CDH12: variants seen among roughly 807,000 people sequenced by gnomAD.
The protein encoded by CDH12 is cadherin-12.
A neutral mutation model predicts 74.1 loss-of-function variants in CDH12; 41 were observed. The observed-to-expected ratio is 0.55, with a 90% CI of 0.43 to 0.72. CDH12 has a LOEUF of 0.72. Ranked by LOEUF, CDH12 falls within the 30% of genes least tolerant of loss-of-function variation. CDH12 has a pLI of 0.00. For missense variants in CDH12, 945 were observed against 977.2 expected (o/e 0.97, Z 0.44); for synonymous variants, 399 against 355.0 (o/e 1.12, Z -1.39).
intron 3 of CDH12, among the ~76,000 whole-genome samples, chr5:22,323,780 C>A (rs1451093810): frequency 2.0e-5 from 3 of 151,938 alleles, no homozygotes; most frequent in Non-Finnish European, 4.4e-5. Flanking sequence ...GTTTGCTTTG[C>A]TTTAAGTTAT....
chr5:22,106,602 C>A (rs1055919651), intron 4 of CDH12, among the ~76,000 whole-genome samples: 1 of 152,154 alleles, frequency 6.6e-6, no homozygotes, highest in Non-Finnish European at 1.5e-5. Flanking sequence ...TTGTTTTTAT[C>A]ATGTGCATTT....
intron 10 of CDH12, among the ~76,000 whole-genome samples, chr5:21,788,958 T>C (rs1281222176): frequency 6.6e-6 from 1 of 152,026 alleles, no homozygotes; most frequent in African/African-American, 2.4e-5. Context: ...TTTTTGTGTA[T>C]TTCTTCTCTA....
At chr5:22,501,327 T>A (rs763220436) in intron 2 of CDH12, among the ~76,000 whole-genome samples, 1 of 152,168 alleles carries the variant, frequency 6.6e-6, no homozygotes, top group Non-Finnish European at 1.5e-5. Context: ...GGATAATTCA[T>A]GGAAGACTGG....
At chr5:22,281,679 C>A (rs943006367) in intron 3 of CDH12, among the ~76,000 whole-genome samples, 3 of 152,048 alleles carry the variant, frequency 2.0e-5, no homozygotes, top group Non-Finnish European at 2.9e-5. Flanking sequence ...ATGTGAAGGA[C>A]CTCTTCAAAG....
intron 1 of CDH12, among the ~76,000 whole-genome samples, chr5:22,849,244 T>A (rs1381037135): frequency 1.3e-5 from 2 of 152,126 alleles, no homozygotes; most frequent in African/African-American, 4.8e-5. Context: ...TAAATAACTT[T>A]TCCCAAATTG....
At chr5:21,833,318 T>TATAAC in intron 8 of CDH12, among the ~76,000 whole-genome samples, 1 of 41,606 alleles carries the variant, frequency 2.4e-5, no homozygotes, top group African/African-American at 3.3e-4. Flanking sequence ...TTATATGTTA[T>TATAAC]ATAATATATA....
intron 3 of CDH12, among the ~76,000 whole-genome samples, chr5:22,371,339 AG>A (rs1741278942): frequency 6.6e-6 from 1 of 152,168 alleles, no homozygotes; most frequent in South Asian, 2.1e-4. Flanking sequence ...TAAAAGCTAA[AG>A]CAAAGAAAAA....
intron 1 of CDH12, among the ~76,000 whole-genome samples, chr5:22,721,818 T>C (rs898942553): frequency 7.9e-5 from 12 of 152,178 alleles, no homozygotes; most frequent in African/African-American, 2.4e-4. Context: ...CTGTTGATTT[T>C]ATAAAGGGCT....
chr5:22,209,837 T>C (rs565453655), intron 4 of CDH12, among the ~76,000 whole-genome samples: 1 of 152,266 alleles, frequency 6.6e-6, no homozygotes, highest in East Asian at 1.9e-4. Context: ...GAGTATCATG[T>C]CAAGGGCTGG....
At chr5:22,310,446 G>A (rs1738336836) in intron 3 of CDH12, among the ~76,000 whole-genome samples, 2 of 141,540 alleles carry the variant, frequency 1.4e-5, no homozygotes, top group African/African-American at 5.2e-5. Context: ...CTGGGTGACA[G>A]AGTGAGACTC....
At chr5:21,985,587 C>T (rs574267156) in intron 5 of CDH12, among the ~76,000 whole-genome samples, 2 of 152,188 alleles carry the variant, frequency 1.3e-5, no homozygotes, top group African/African-American at 4.8e-5. Flanking sequence ...TACTTACACA[C>T]AGGGTTTACT....
intron 12 of CDH12, 144 bp from the exon 13 acceptor site, chr5:21,760,819 T>C (rs1744679339): frequency 4.6e-6 from 3 of 649,730 alleles, no homozygotes; most frequent in Non-Finnish European, 8.3e-6. Context: ...TATTTACACA[T>C]AATGTTTATA....
intron 1 of CDH12, among the ~76,000 whole-genome samples, chr5:22,698,436 A>G (rs984510909): frequency 2.0e-5 from 3 of 150,776 alleles, no homozygotes; most frequent in East Asian, 2.0e-4. Flanking sequence ...CCAGCTTTTT[A>G]CTAGGAAAAC....
intron 1 of CDH12, among the ~76,000 whole-genome samples, chr5:22,756,508 A>G (rs1213205583): frequency 1.3e-5 from 2 of 152,188 alleles, no homozygotes. Flanking sequence ...AAAAGAGAAT[A>G]TTTCAAAAGA....
At chr5:22,248,173 G>A (rs907661230) in intron 3 of CDH12, among the ~76,000 whole-genome samples, 1 of 152,100 alleles carries the variant, frequency 6.6e-6, no homozygotes, top group African/African-American at 2.4e-5. Flanking sequence ...GGTAGTGCAT[G>A]CCTGTAATCC....
At chr5:22,021,690 C>T (rs1385124687) in intron 5 of CDH12, among the ~76,000 whole-genome samples, 1 of 152,136 alleles carries the variant, frequency 6.6e-6, no homozygotes, top group Non-Finnish European at 1.5e-5. Context: ...AGATGATTTT[C>T]ATTCAATTGG....
In CDH12 at chr5:22,360,471, C is replaced by T. The variant is rs185356492; in HGVS notation, c.-333+44786G>A. Among the ~76,000 whole-genome samples the T allele has an allele frequency of 5.9e-4, 90 of 152,152 alleles. No individual in the cohort carries two copies. In the East Asian group the frequency reaches 7.6e-3, roughly 13 times the overall value. ...ACCAACAAAAATGTCCAGGAACAGACGGATTCACAGCCAAATTCTACCAGG... is the reference window on the plus strand; with the variant it reads ...ACCAACAAAAATGTCCAGGAACAGATGGATTCACAGCCAAATTCTACCAGG... On this transcript the variant is annotated intron_variant, in intron 3 of 14. Coordinates refer to ENST00000382254, the MANE Select transcript of CDH12 (RefSeq NM_004061.5).
intron 3 of CDH12, among the ~76,000 whole-genome samples, chr5:22,350,502 CAAT>C (rs1740314986): frequency 6.6e-6 from 1 of 152,028 alleles, no homozygotes; most frequent in Non-Finnish European, 1.5e-5. Context: ...ACTTTGGATA[CAAT>C]GAGATAGTCC....
rs190329167 is a variant in CDH12, at chr5:22,308,562, C to G, written c.-332-95919G>C. 2.0e-5 allele frequency among the ~76,000 whole-genome samples: 3 copies of G among 152,048 alleles called. No homozygotes were observed. The East Asian group carries it at 5.8e-4, about 29-fold the overall frequency. On this transcript the variant is annotated intron_variant, in intron 3 of 14. Coordinates refer to ENST00000382254, the MANE Select transcript of CDH12 (RefSeq NM_004061.5). ...AAATTAGGTTGATAGTTGTACAACCCAATAAGTACACTAAAAACCATTTAA... is the reference window on the plus strand; with the variant it reads ...AAATTAGGTTGATAGTTGTACAACCGAATAAGTACACTAAAAACCATTTAA...
Sources: gnomAD v4.1 joint callset for allele counts (sites outside exome capture counted in the v4.1 genomes callset) on GRCh38, gnomAD v4.1.1 for gene constraint, MANE v1.5 for transcripts, NCBI Gene and HGNC (gene_info 2026-07-23, HGNC 2026-07-21) for gene names.